Variants in ALX4 observed in about 807,000 individuals in gnomAD.
ALX4 encodes the protein ALX homeobox 4, also known as homeobox protein aristaless-like 4.
In ALX4, 22 loss-of-function variants were observed where a neutral mutation model predicts 40.6. That is an observed-to-expected ratio of 0.54 (90% confidence interval 0.39 to 0.77). The LOEUF is 0.77. ALX4 is among the 30% of genes least tolerant of loss of function. The pLI is 0.00. For synonymous variants in ALX4, 266 were observed against 240.5 expected (o/e 1.11, Z -0.98); for missense variants, 556 against 564.8 (o/e 0.98, Z 0.16).
chr11:44,301,176 G>T (rs931954233), intron 1 of ALX4, among the ~76,000 whole-genome samples: 2 of 152,254 alleles, frequency 1.3e-5, no homozygotes, highest in Admixed American at 6.5e-5. Flanking sequence ...AGTCCCCTTT[G>T]TCTGTGAAAT....
chr11:44,292,021 C>T (rs112565592), intron 1 of ALX4, among the ~76,000 whole-genome samples: 38 of 151,826 alleles, frequency 2.5e-4, no homozygotes, highest in African/African-American at 8.4e-4. Flanking sequence ...GTTTCACCAT[C>T]TTGGCCAGGC....
chr11:44,266,368 GA>G (rs1956213903), intron 3 of ALX4, among the ~76,000 whole-genome samples: 1 of 152,174 alleles, frequency 6.6e-6, no homozygotes, highest in African/African-American at 2.4e-5. Flanking sequence ...TAGGGAGGGA[GA>G]GGGGAGAAAG....
intron 1 of ALX4, among the ~76,000 whole-genome samples, chr11:44,287,381 T>C (rs907365546): frequency 6.6e-6 from 1 of 151,888 alleles, no homozygotes; most frequent in Non-Finnish European, 1.5e-5. Flanking sequence ...ACCAGTAGGG[T>C]TCCAGCCTCT....
rs766611438 is a variant in ALX4 at position 44,309,949 on chromosome 11, G to A, written c.114C>T (p.Pro38=). ...AAGTTGTGCCGAACTTGTCGCCTCC[G>A]GGAAATGCCCTAAAAGGCGACGAGC... ...REGSSPFRAF[P]GGDKFGTTFL... The change falls in exon 1 of 4, where the codon CCC becomes CCT. Residue 38 remains proline, a synonymous_variant. Transcript: ENST00000652299. 2.3e-5 allele frequency: 37 copies of A among 1,594,354 alleles called. No homozygotes were observed. The highest frequency in any genetic ancestry group is 2.3e-5 in the East Asian group (1 of 43,834).
At position 44,274,463 on chromosome 11, in the gene ALX4, G is replaced by C. The variant is rs141434783; in HGVS notation, c.777+885C>G. 4.3e-4 allele frequency among the ~76,000 whole-genome samples: 63 copies of C among 147,354 alleles called. No individual in the cohort carries two copies. The East Asian group carries it at 0.012, about 29-fold the overall frequency. On this transcript the variant is annotated intron_variant, in intron 2 of 3. Transcript: ENST00000652299. ...GGGTTGAGTTCTATTCGGTTGCACTGAGTTGAGTTGAGTGTGTCAGGTTCC... is the reference window on the plus strand; with the variant it reads ...GGGTTGAGTTCTATTCGGTTGCACTCAGTTGAGTTGAGTGTGTCAGGTTCC...
At position 44,275,628 on chromosome 11, in the gene ALX4, A is replaced by G. The variant is rs758432138; in HGVS notation, c.497T>C (p.Leu166Ser). ...AKESSLGEPELPPDSDTVGMD... is the reference protein window; with the variant it reads ...AKESSLGEPESPPDSDTVGMD... Reference sequence around the variant, plus strand: ...CCCCACAGTGTCAGAGTCAGGGGGTAACTCTGGCTCACCCAGGGAGCTCTC... The same window carrying G: ...CCCCACAGTGTCAGAGTCAGGGGGTGACTCTGGCTCACCCAGGGAGCTCTC... Residue 166 changes from leucine (L) to serine (S), a missense_variant, in exon 2 of 4, where the codon TTA becomes TCA. By Grantham distance (145) the Leu-to-Ser change is moderately radical. Transcript: ENST00000652299. 6.2e-7 allele frequency: 1 copy of G among 1,613,526 alleles called. No homozygotes were observed. Among genetic ancestry groups the G allele is most frequent in the East Asian group, 2.2e-5 (1 of 44,840 alleles).
At chr11:44,269,866 G>A (rs1012643092) in intron 2 of ALX4, among the ~76,000 whole-genome samples, 25 of 152,208 alleles carry the variant, frequency 1.6e-4, no homozygotes, top group South Asian at 4.1e-4. Context: ...CCGTCTTTCC[G>A]CTCCTTCCTC....
intron 1 of ALX4, among the ~76,000 whole-genome samples, chr11:44,279,534 T>G (rs1329803748): frequency 1.3e-5 from 2 of 148,946 alleles, no homozygotes; most frequent in Admixed American, 1.3e-4. Flanking sequence ...CCCCGCAAGG[T>G]GCCCTCCTCA....
At chr11:44,285,339 T>C (rs1956332438) in intron 1 of ALX4, among the ~76,000 whole-genome samples, 1 of 152,208 alleles carries the variant, frequency 6.6e-6, no homozygotes, top group African/African-American at 2.4e-5. Flanking sequence ...TACCACACCA[T>C]CCTTAATGGT....
At chr11:44,295,502 G>A (rs1956397921) in intron 1 of ALX4, among the ~76,000 whole-genome samples, 1 of 152,268 alleles carries the variant, frequency 6.6e-6, no homozygotes, top group Non-Finnish European at 1.5e-5. Context: ...CTAGGAAGGG[G>A]AGCCGGGGAC....
In ALX4 at chr11:44,292,028, AG is replaced by A. The variant is rs528462442; in HGVS notation, c.467-16371del. Among the ~76,000 whole-genome samples the A allele has an allele frequency of 6.4e-3, 976 of 151,736 alleles. 6 individuals are homozygous for A. The highest frequency in any genetic ancestry group is 0.011 in the Non-Finnish European group (745 of 67,884). On this transcript the variant is annotated intron_variant, in intron 1 of 3. Transcript: ENST00000652299. ...GAGGTGGGGTTTCACCATCTTGGCC[AG>A]GCTGGTCTTGAACTCCTGACCTCGA... is the stretch of plus-strand genomic sequence containing the variant.
rs187246388 is a variant in ALX4, at chr11:44,277,378, G to A, written c.467-1720C>T. ...GCAGATGTGGGTGTGAACTCCTCGA[G>A]AACTGTATTCCTTGTCTGTAACTTG... On this transcript the variant is annotated intron_variant, in intron 1 of 3. Coordinates refer to ENST00000652299, the MANE Select transcript of ALX4 (RefSeq NM_021926.4). 2.0e-3 allele frequency among the ~76,000 whole-genome samples: 300 copies of A among 152,326 alleles called. 1 individual carries two copies. Among genetic ancestry groups the A allele is most frequent in the Non-Finnish European group, 3.2e-3 (219 of 68,028 alleles).
chr11:44,270,816 G>A (rs906105768), intron 2 of ALX4, among the ~76,000 whole-genome samples: 3 of 152,208 alleles, frequency 2.0e-5, no homozygotes, highest in Admixed American at 6.5e-5. Context: ...CCCGAGGACC[G>A]GGCTGTGCAA....
At position 44,264,900 on chromosome 11, in the gene ALX4, C is replaced by A. The variant is rs763248407; in HGVS notation, c.1190G>T (p.Arg397Leu). The change falls in exon 4 of 4, where the codon CGC (arginine) becomes CTC (leucine). Residue 397 changes from arginine (R) to leucine (L), a missense_variant. Arg to Leu is a moderately radical substitution (Grantham distance 102). Coordinates refer to ENST00000652299, the MANE Select transcript of ALX4 (RefSeq NM_021926.4). ...CGCACTGTGCTCCTTGGCCTTCATG[C>A]GGAGGGCCGCGATGCTCGAGGTCTT... ...DRKTSSIAAL[R>L]MKAKEHSAAI... 6.2e-7 allele frequency: 1 copy of A among 1,613,050 alleles called. No individual in the cohort carries two copies. The highest frequency in any genetic ancestry group is 8.5e-7 in the Non-Finnish European group (1 of 1,179,934).
intron 1 of ALX4, among the ~76,000 whole-genome samples, chr11:44,298,347 G>A (rs748261695): frequency 3.3e-4 from 50 of 152,302 alleles, no homozygotes; most frequent in African/African-American, 9.1e-4. Context: ...CCTTGGAGCC[G>A]GATGCCCTGC....
intron 1 of ALX4, among the ~76,000 whole-genome samples, chr11:44,281,112 C>T (rs1427256214): frequency 6.6e-6 from 1 of 151,756 alleles, no homozygotes; most frequent in Non-Finnish European, 1.5e-5. Flanking sequence ...TTTCTTTTTT[C>T]TTTCTTTCTT....
Position 44,309,720 on chromosome 11 carries a change from G to GCT in ALX4, c.342_343insAG (p.Gln115SerfsTer67), listed in dbSNP as rs1403939716. On this transcript the variant is annotated frameshift_variant, in exon 1 of 4. Coordinates refer to ENST00000652299, the MANE Select transcript of ALX4 (RefSeq NM_021926.4). LOFTEE classifies it high-confidence loss of function. Reference sequence around the variant, plus strand: ...TAAAGATGCGGTTGCGCGGGCGGCTGGGGCTGCGGCTGCTGCTGCTGCGGC... The same window carrying GCT: ...TAAAGATGCGGTTGCGCGGGCGGCTGCTGGGCTGCGGCTGCTGCTGCTGCGGC... 4 of 1,568,704 alleles carry GCT rather than the reference G, an allele frequency of 2.5e-6. No homozygotes were observed. Among genetic ancestry groups the GCT allele is most frequent in the Non-Finnish European group, 3.5e-6 (4 of 1,158,866 alleles).
At chr11:44,290,764 T>A (rs936440727) in intron 1 of ALX4, among the ~76,000 whole-genome samples, 1 of 152,244 alleles carries the variant, frequency 6.6e-6, no homozygotes, top group Non-Finnish European at 1.5e-5. Context: ...GAAAAGTGAC[T>A]TGACCTTTGT....
intron 1 of ALX4, among the ~76,000 whole-genome samples, chr11:44,287,152 C>T (rs1168641207): frequency 6.6e-6 from 1 of 152,236 alleles, no homozygotes; most frequent in Admixed American, 6.5e-5. Flanking sequence ...CACTGCTCCG[C>T]CCTCACACAG....
Sources: allele counts gnomAD v4.1 joint callset (sites outside exome capture counted in the v4.1 genomes callset), GRCh38; gene constraint gnomAD v4.1.1; transcripts MANE v1.5; gene names NCBI Gene and HGNC (gene_info 2026-07-23, HGNC 2026-07-21).